Variants in MYO18B observed in about 807,000 individuals in gnomAD.
The protein encoded by MYO18B is myosin XVIIIB.
In MYO18B, 204 loss-of-function variants were observed where a neutral mutation model predicts 273.0. The observed-to-expected ratio is 0.75, with a 90% confidence interval of 0.67 to 0.84. The LOEUF is 0.84. MYO18B is among the 40% of genes least tolerant of loss of function. The probability of loss-of-function intolerance (pLI) is 0.00; values close to 1 mark genes in which losing one functional copy is unlikely to be tolerated. For missense variants in MYO18B, 3,212 were observed against 3,287.6 expected (o/e 0.98, Z 0.56); for synonymous variants, 1,330 against 1,305.7 (o/e 1.02, Z -0.40).
chr22:25,744,522 G>A (rs948674652), intron 1 of MYO18B, among the ~76,000 whole-genome samples: 39 of 152,162 alleles, frequency 2.6e-4, no homozygotes, highest in Admixed American at 1.8e-3. Flanking sequence ...ACGAGGTCAG[G>A]AGATCGAGAC....
intron 23 of MYO18B, 37 bp downstream of exon 23, chr22:25,874,451 C>T (rs193208169): frequency 5.0e-5 from 80 of 1,593,100 alleles, no homozygotes; most frequent in Non-Finnish European, 5.6e-5. Context: ...TCTGATCCAA[C>T]GGGTCTGGAG....
Position 26,026,796 on chromosome 22 carries a change from C to A in MYO18B, c.6822C>A (p.Asp2274Glu), listed in dbSNP as rs1309652737. 1 of 1,598,962 alleles carries A rather than the reference C, an allele frequency of 6.3e-7. No individual in the cohort carries two copies. The highest frequency in any genetic ancestry group is 1.3e-5 in the African/African-American group (1 of 74,324). The change falls in exon 43 of 44, where the codon GAC becomes GAA. Residue 2274 changes from aspartate (D) to glutamate (E), a missense_variant. Asp to Glu is a conservative substitution (Grantham distance 45, BLOSUM62 2). Coordinates refer to ENST00000335473, the MANE Select transcript of MYO18B (RefSeq NM_032608.7). ...AGGGGTCCACGCTGGGCCTAGAGGA[C>A]TGGCCCACTCTCCCCATTTACCAGA... ...RGQGSTLGLE[D>E]WPTLPIYQTT...
At chr22:26,059,523 C>A in the MYO18B span, among the ~76,000 whole-genome samples, 1 of 152,204 alleles carries the variant, frequency 6.6e-6, no homozygotes, top group Non-Finnish European at 1.5e-5. Context: ...AAATTTAGAA[C>A]CAAGCCCCTT....
intron 7 of MYO18B, among the ~76,000 whole-genome samples, chr22:25,774,785 C>G (rs546110022): frequency 3.9e-4 from 60 of 152,332 alleles, no homozygotes; most frequent in African/African-American, 1.3e-3. Context: ...CACTATGGGG[C>G]TAGCCCCACC....
chr22:26,023,553 C>T (rs915245797), intron 42 of MYO18B, among the ~76,000 whole-genome samples: 3 of 152,064 alleles, frequency 2.0e-5, no homozygotes, highest in Non-Finnish European at 4.4e-5. Context: ...CTTCACCCTC[C>T]GTTTTCATGC....
intron 39 of MYO18B, among the ~76,000 whole-genome samples, chr22:25,988,185 C>T (rs1281004567): frequency 1.3e-5 from 2 of 151,824 alleles, no homozygotes; most frequent in Non-Finnish European, 2.9e-5. Context: ...CCGGAGGGGT[C>T]TCTGGCTGGG....
At chr22:26,001,153 GC>G (rs1274269140) in intron 40 of MYO18B, among the ~76,000 whole-genome samples, 2 of 152,086 alleles carry the variant, frequency 1.3e-5, no homozygotes, top group Admixed American at 6.5e-5. Context: ...GTTGGGTCAT[GC>G]CTGCTGTCTG....
chr22:26,022,345 A>T (rs933215432), intron 42 of MYO18B, among the ~76,000 whole-genome samples: 1 of 151,836 alleles, frequency 6.6e-6, no homozygotes, highest in Middle Eastern at 3.2e-3. Flanking sequence ...CAGTGCTGGG[A>T]CAGGAATGGG....
At chr22:25,796,505 A>G (rs1200055914) in intron 11 of MYO18B, among the ~76,000 whole-genome samples, 2 of 151,956 alleles carry the variant, frequency 1.3e-5, no homozygotes, top group African/African-American at 4.8e-5. Flanking sequence ...CTGAGGTGGA[A>G]GGATCGTTTG....
At chr22:25,805,443 G>C (rs913670744) in intron 12 of MYO18B, among the ~76,000 whole-genome samples, 2 of 152,180 alleles carry the variant, frequency 1.3e-5, no homozygotes, top group African/African-American at 4.8e-5. Context: ...TATTCTTGGA[G>C]CCTCAGCTGG....
At chr22:25,844,311 G>A (rs1048207581) in intron 18 of MYO18B, among the ~76,000 whole-genome samples, 1 of 152,210 alleles carries the variant, frequency 6.6e-6, no homozygotes, top group African/African-American at 2.4e-5. Context: ...CAGAGTGCTG[G>A]CGTGAGGCCG....
chr22:25,857,911 C>T (rs1214341619), intron 21 of MYO18B, among the ~76,000 whole-genome samples: 1 of 152,222 alleles, frequency 6.6e-6, no homozygotes, highest in Non-Finnish European at 1.5e-5. Flanking sequence ...CCTTGGTCTA[C>T]CAAAGTGATG....
At chr22:25,961,220 TAA>T (rs749508614) in intron 39 of MYO18B, among the ~76,000 whole-genome samples, 92 of 124,692 alleles carry the variant, frequency 7.4e-4, no homozygotes, top group Admixed American at 7.4e-4. Context: ...AGCCTCCATC[TAA>T]AAAAAAAAAA....
intron 7 of MYO18B, among the ~76,000 whole-genome samples, chr22:25,774,725 C>G (rs1190183879): frequency 6.6e-6 from 1 of 152,234 alleles, no homozygotes; most frequent in Non-Finnish European, 1.5e-5. Flanking sequence ...GAGGCTGAGA[C>G]CACCTCGAGG....
At chr22:25,922,350 G>A (rs1443669336) in intron 34 of MYO18B, among the ~76,000 whole-genome samples, 2 of 152,132 alleles carry the variant, frequency 1.3e-5, no homozygotes, top group Non-Finnish European at 2.9e-5. Flanking sequence ...GGGCGGTTGC[G>A]GTGGCAGACT....
At chr22:25,908,042 A>G (rs2092081763) in intron 31 of MYO18B, among the ~76,000 whole-genome samples, 1 of 151,904 alleles carries the variant, frequency 6.6e-6, no homozygotes, top group South Asian at 2.1e-4. Context: ...TCAAAAAAAA[A>G]AAAAAAAAGA....
At chr22:25,798,204 T>G in intron 12 of MYO18B, 107 bp downstream of exon 12, 1 of 1,353,682 alleles carries the variant, frequency 7.4e-7, no homozygotes, top group South Asian at 1.5e-5. Context: ...ATCTGTCACC[T>G]TCTATGTCTC....
chr22:25,862,887 T>G (rs2090778568), intron 21 of MYO18B, among the ~76,000 whole-genome samples: 1 of 152,080 alleles, frequency 6.6e-6, no homozygotes, highest in African/African-American at 2.4e-5. Context: ...AGCCATCATT[T>G]TTCATACTTT....
chr22:25,794,059 G>A (rs2087797005), intron 11 of MYO18B, among the ~76,000 whole-genome samples: 1 of 151,358 alleles, frequency 6.6e-6, no homozygotes, highest in Non-Finnish European at 1.5e-5. Flanking sequence ...TCAGCCTCCT[G>A]AGTAGCTGGG....
Sources: gnomAD v4.1 joint callset for allele counts (sites outside exome capture counted in the v4.1 genomes callset) on GRCh38, gnomAD v4.1.1 for gene constraint, MANE v1.5 for transcripts, NCBI Gene and HGNC (gene_info 2026-07-23, HGNC 2026-07-21) for gene names.